The following POLR3B variants were observed in gnomAD, a reference collection of about 807,000 sequenced individuals.
The protein encoded by POLR3B is RNA polymerase III subunit B, also known as DNA-directed RNA polymerase III subunit RPC2.
Under a neutral mutation model 147.4 loss-of-function variants are expected in POLR3B, and 96 were observed. That is an observed-to-expected ratio of 0.65 (90% confidence interval 0.55 to 0.77). The LOEUF (loss-of-function observed/expected upper bound fraction) is 0.77. Among genes scored for constraint, POLR3B ranks in the 30% least tolerant of loss-of-function variants. The pLI is 0.00. For synonymous variants in POLR3B, 461 were observed against 485.9 expected (o/e 0.95, Z 0.67); for missense variants, 1,036 against 1,413.5 (o/e 0.73, Z 4.28).
chr12:106,474,034 G>A (rs1428699617), intron 23 of POLR3B, among the ~76,000 whole-genome samples: 1,570 of 113,932 alleles, frequency 0.014, 15 homozygotes, highest in African/African-American at 0.025. Flanking sequence ...TTTGAAATAC[G>A]TCCCATCAAT....
intron 23 of POLR3B, among the ~76,000 whole-genome samples, chr12:106,486,290 A>AAG (rs2038338307): frequency 8.4e-6 from 1 of 119,332 alleles, no homozygotes; most frequent in African/African-American, 5.4e-5. Flanking sequence ...TCCGTCTCAA[A>AAG]AAAAAAAAAA....
At chr12:106,379,425 G>A (rs2036729454) in intron 8 of POLR3B, among the ~76,000 whole-genome samples, 1 of 152,192 alleles carries the variant, frequency 6.6e-6, no homozygotes, top group Non-Finnish European at 1.5e-5. Flanking sequence ...TGACTATGTA[G>A]AAGATTAGAG....
chr12:106,399,063 G>A (rs1175548118), intron 10 of POLR3B, among the ~76,000 whole-genome samples: 2 of 152,060 alleles, frequency 1.3e-5, no homozygotes, highest in Non-Finnish European at 2.9e-5. Flanking sequence ...CGAACCAATG[G>A]CAAAGAAGTT....
chr12:106,390,254 G>A (rs1282901216), intron 9 of POLR3B, among the ~76,000 whole-genome samples: 1 of 116,132 alleles, frequency 8.6e-6, no homozygotes, highest in Admixed American at 8.8e-5. Flanking sequence ...AAAACAAGCA[G>A]AAAAACTCTC....
At chr12:106,485,223 A>C (rs997843212) in intron 23 of POLR3B, among the ~76,000 whole-genome samples, 2 of 152,140 alleles carry the variant, frequency 1.3e-5, no homozygotes, top group African/African-American at 4.8e-5. Context: ...TGCTTTTATA[A>C]CCAAACCAGT....
At chr12:106,429,538 T>C (rs74456001) in intron 13 of POLR3B, among the ~76,000 whole-genome samples, 1,601 of 152,270 alleles carry the variant, frequency 0.011, 27 homozygotes, top group African/African-American at 0.036. Flanking sequence ...TCCTTGAGAA[T>C]ATTTTTAATG....
chr12:106,375,443 T>C (rs2036664751), intron 6 of POLR3B, among the ~76,000 whole-genome samples: 1 of 152,172 alleles, frequency 6.6e-6, no homozygotes, highest in Non-Finnish European at 1.5e-5. Context: ...CATCTAGAAG[T>C]CTGATTAGGT....
chr12:106,498,690 A>G (rs1011229252), intron 25 of POLR3B, among the ~76,000 whole-genome samples: 1 of 151,816 alleles, frequency 6.6e-6, no homozygotes, highest in Non-Finnish European at 1.5e-5. Context: ...GGTTCAAGCA[A>G]TTCTCCTGCC....
chr12:106,357,996 C>G (rs371588452), intron 1 of POLR3B, 45 bp downstream of exon 1: 24 of 1,603,898 alleles, frequency 1.5e-5, no homozygotes, highest in Admixed American at 5.1e-5. Flanking sequence ...AGGATGCGCC[C>G]TGAGGGGGCG....
chr12:106,412,262 C>T (rs559265767), intron 12 of POLR3B, among the ~76,000 whole-genome samples: 13 of 152,090 alleles, frequency 8.5e-5, no homozygotes, highest in African/African-American at 2.9e-4. Flanking sequence ...ACCTCTGAAT[C>T]CTGCCTTCCT....
intron 12 of POLR3B, among the ~76,000 whole-genome samples, chr12:106,412,295 T>C (rs1481915336): frequency 6.6e-6 from 1 of 152,150 alleles, no homozygotes; most frequent in African/African-American, 2.4e-5. Flanking sequence ...AGCTGAAATA[T>C]TCATTTAGTT....
intron 9 of POLR3B, 129 bp from the exon 10 acceptor site, chr12:106,392,902 A>G: frequency 1.7e-6 from 2 of 1,159,208 alleles, no homozygotes; most frequent in Admixed American, 2.1e-5. Context: ...GCCAGATGGC[A>G]CCATTTCTGA....
chr12:106,423,939 C>T (rs1352013464), intron 12 of POLR3B, among the ~76,000 whole-genome samples: 1 of 151,934 alleles, frequency 6.6e-6, no homozygotes, highest in Non-Finnish European at 1.5e-5. Flanking sequence ...TCATTGCAGC[C>T]TCCGCCTCCC....
chr12:106,362,470 G>A (rs528364043), intron 1 of POLR3B, among the ~76,000 whole-genome samples: 3 of 152,308 alleles, frequency 2.0e-5, no homozygotes, highest in African/African-American at 7.2e-5. Context: ...GGCTCCTTCT[G>A]AGGGCTATGA....
chr12:106,465,130 T>A (rs2037987788), intron 23 of POLR3B, among the ~76,000 whole-genome samples: 1 of 152,218 alleles, frequency 6.6e-6, no homozygotes, highest in Non-Finnish European at 1.5e-5. Context: ...TGAAACTGTT[T>A]CCCCTTTTAT....
In POLR3B at chr12:106,395,927, G is replaced by A. The variant is rs1035330075; in HGVS notation, c.846+2774G>A. Among the ~76,000 whole-genome samples the A allele has an allele frequency of 4.6e-5, 7 of 152,182 alleles. No individual in the cohort carries two copies. In the East Asian group the frequency reaches 9.7e-4, roughly 21 times the overall value. On this transcript the variant is annotated intron_variant, in intron 10 of 27. Transcript: ENST00000228347. Reference sequence around the variant, plus strand: ...GGAGGTTGCAGTGAGCCAAGATCGCGCCACTGCACTCCAGCCTGGGTGACA... The same window carrying A: ...GGAGGTTGCAGTGAGCCAAGATCGCACCACTGCACTCCAGCCTGGGTGACA...
In POLR3B at chr12:106,475,487, A is replaced by T. The variant is rs1453880175; in HGVS notation, c.2713+11867A>T. On this transcript the variant is annotated intron_variant, in intron 23 of 27. Transcript: ENST00000228347. ...GGGGTGTTAAATTCTCCCATTATTA[A>T]TGTGTGGGAGTCTAAGTCTCTTTGT... is the stretch of plus-strand genomic sequence containing the variant. Among the ~76,000 whole-genome samples the T allele has an allele frequency of 1.1e-4, 11 of 104,480 alleles. 1 individual carries two copies. Among genetic ancestry groups the T allele is most frequent in the Non-Finnish European group, 3.7e-5 (2 of 53,466 alleles). The allele number at this position is 104,480 out of a possible 152,430, so 68.5% of individuals were successfully genotyped here. A position where few individuals can be genotyped will look rare whatever the true frequency, so the allele number is the denominator to read the frequency against.
intron 22 of POLR3B, among the ~76,000 whole-genome samples, chr12:106,460,892 C>G (rs1801454487): frequency 6.6e-6 from 1 of 152,038 alleles, no homozygotes; most frequent in South Asian, 2.1e-4. Flanking sequence ...GTCTTTGTGT[C>G]CCTTTCTAGC....
chr12:106,504,250 G>A lies in POLR3B; in HGVS notation c.3268G>A (p.Gly1090Ser). The A allele has an allele frequency of 6.2e-7, 1 of 1,613,208 alleles. No homozygotes were observed. Reference protein sequence around the residue: ...CGQCGLLGYSGWCHYCKSSCH... With the variant: ...CGQCGLLGYSSWCHYCKSSCH... ...GCAGTGTGGACTTCTGGGGTATTCTGGCTGGTAAGTGGATACCATATGTCT... is the reference window on the plus strand; with the variant it reads ...GCAGTGTGGACTTCTGGGGTATTCTAGCTGGTAAGTGGATACCATATGTCT... The change falls in exon 27 of 28, where the codon GGC (glycine) becomes AGC (serine). Residue 1090 changes from glycine to serine, a missense_variant. Gly to Ser is a moderately conservative substitution (Grantham distance 56). This residue lies in a region of POLR3B where 69 missense variants were observed against 89.8 expected (regional missense o/e 0.77). Transcript: ENST00000228347. This position sits in a 1 kb window ranked among gnomAD's most constrained non-coding sequence, Gnocchi z 4.6.
Sources: gnomAD v4.1 joint callset for allele counts (sites outside exome capture counted in the v4.1 genomes callset) on GRCh38, gnomAD v4.1.1 for gene constraint, gnomAD v4.1.1 regional missense constraint, Gnocchi (gnomAD v3.1) non-coding constraint, MANE v1.5 for transcripts, NCBI Gene and HGNC (gene_info 2026-07-23, HGNC 2026-07-21) for gene names.